Variants in NR5A2 observed in about 807,000 individuals in gnomAD.
The protein encoded by NR5A2 is nuclear receptor subfamily 5 group A member 2, also known as CYP7A promoter-binding factor.
NR5A2 carries 26 observed loss-of-function variants against 62.7 expected under a neutral mutation model. The observed-to-expected ratio is 0.41, with a 90% confidence interval of 0.30 to 0.58. NR5A2 has a LOEUF of 0.58. Ranked by LOEUF, NR5A2 falls within the 20% of genes least tolerant of loss-of-function variation. The pLI is 0.22. For missense variants in NR5A2, 541 were observed against 669.1 expected (o/e 0.81, Z 2.11); for synonymous variants, 246 against 241.7 (o/e 1.02, Z -0.16).
Position 200,039,531 on chromosome 1 carries a change from G to A in NR5A2, c.65-127G>A. ...GCTGCGAGACCGGACAGGGCTCAGAGGTCCTGCCCGGCAGCCCCGAGGAGG... is the reference window on the plus strand; with the variant it reads ...GCTGCGAGACCGGACAGGGCTCAGAAGTCCTGCCCGGCAGCCCCGAGGAGG... On this transcript the variant is annotated intron_variant, in intron 1 of 7. Transcript: ENST00000367362. This position sits in a 1 kb window ranked among gnomAD's most constrained non-coding sequence, Gnocchi z 5.1. 1 of 1,366,572 alleles carries A rather than the reference G, an allele frequency of 7.3e-7. No homozygotes were observed. Among genetic ancestry groups the A allele is most frequent in the Non-Finnish European group, 1.0e-6 (1 of 983,498 alleles). The allele number at this position is 1,366,572 out of a possible 1,614,324, so 84.7% of individuals were successfully genotyped here. A position where few individuals can be genotyped will look rare whatever the true frequency, so the allele number is the denominator to read the frequency against.
intron 7 of NR5A2, among the ~76,000 whole-genome samples, chr1:200,121,566 G>A (rs887164964): frequency 1.3e-4 from 20 of 152,124 alleles, no homozygotes; most frequent in African/African-American, 4.8e-4. Flanking sequence ...TTCTCAGTGA[G>A]TCAGTTGAGA....
At chr1:200,072,654 TTGGA>T (rs1663791409) in intron 5 of NR5A2, among the ~76,000 whole-genome samples, 1 of 152,134 alleles carries the variant, frequency 6.6e-6, no homozygotes, top group African/African-American at 2.4e-5. Context: ...AAATAAAATC[TTGGA>T]TGAACACTTT....
At position 200,046,033 on chromosome 1, in the gene NR5A2, C is replaced by G. The variant is rs551013016; in HGVS notation, c.463+449C>G. 2.6e-5 allele frequency among the ~76,000 whole-genome samples: 4 copies of G among 152,268 alleles called. No homozygotes were observed. The South Asian group carries it at 8.3e-4, about 32-fold the overall frequency. On this transcript the variant is annotated intron_variant, in intron 4 of 7. Transcript: ENST00000367362. ...GTGTGCTTGTCACAAGTGTTAACTA[C>G]TAATTTCATGATTCTTAAGAGTTAA... is the stretch of plus-strand genomic sequence containing the variant.
chr1:200,060,878 T>G (rs1481011046), intron 5 of NR5A2, among the ~76,000 whole-genome samples: 1 of 136,308 alleles, frequency 7.3e-6, no homozygotes, highest in Admixed American at 8.2e-5. Flanking sequence ...CCAAGGCAGG[T>G]GGATCACGAG....
At chr1:200,112,894 G>C (rs947408030) in intron 6 of NR5A2, among the ~76,000 whole-genome samples, 1 of 152,166 alleles carries the variant, frequency 6.6e-6, no homozygotes, top group African/African-American at 2.4e-5. Flanking sequence ...ATTTCCTTCT[G>C]AGTTTCAGAA....
intron 7 of NR5A2, among the ~76,000 whole-genome samples, chr1:200,132,461 C>T (rs1667008286): frequency 6.6e-6 from 1 of 152,194 alleles, no homozygotes; most frequent in African/African-American, 2.4e-5. Context: ...CTGCATGCAT[C>T]TCTTGTCTTT....
intron 5 of NR5A2, among the ~76,000 whole-genome samples, chr1:200,082,883 A>C (rs1664359125): frequency 6.6e-6 from 1 of 152,174 alleles, no homozygotes; most frequent in African/African-American, 2.4e-5. Flanking sequence ...CATGCAACCT[A>C]CCTGAAAAGC....
chr1:200,078,875 T>A (rs1440695603), intron 5 of NR5A2, among the ~76,000 whole-genome samples: 1 of 152,230 alleles, frequency 6.6e-6, no homozygotes, highest in East Asian at 1.9e-4. Flanking sequence ...ACTTTCCTTT[T>A]ACCTTTACAA....
rs1654434864 is a variant in NR5A2, at chr1:200,176,670, TTTTTA to T, written c.*2466_*2470del. 1 of 152,140 alleles carries T rather than the reference TTTTTA, an allele frequency of 6.6e-6. No homozygotes were observed. Among genetic ancestry groups the T allele is most frequent in the South Asian group, 2.1e-4 (1 of 4,828 alleles). 9.4% of individuals were successfully genotyped at this position (152,140 alleles called of 1,614,324 possible). ...TATGTTGATTTTTATTTTATTTTAT[TTTTTA>T]TTTTAAGAGGCGGGATCTTGATCTC... On this transcript the variant is annotated 3_prime_UTR_variant, in exon 8 of 8. Coordinates refer to ENST00000367362, the MANE Select transcript of NR5A2 (RefSeq NM_205860.3).
At chr1:200,077,204 T>C (rs989134791) in intron 5 of NR5A2, among the ~76,000 whole-genome samples, 10 of 152,362 alleles carry the variant, frequency 6.6e-5, no homozygotes, top group Admixed American at 3.9e-4. Flanking sequence ...GTATTTCTCA[T>C]AATTAGGTTT....
intron 7 of NR5A2, among the ~76,000 whole-genome samples, chr1:200,153,398 G>A (rs532568948): frequency 6.6e-6 from 1 of 152,354 alleles, no homozygotes; most frequent in Admixed American, 6.5e-5. Flanking sequence ...CCACATAGGA[G>A]AATGTTGGCT....
At chr1:200,151,204 C>T (rs1427093296) in intron 7 of NR5A2, among the ~76,000 whole-genome samples, 1 of 152,140 alleles carries the variant, frequency 6.6e-6, no homozygotes, top group Non-Finnish European at 1.5e-5. Context: ...TGTCTTGTGT[C>T]TTTTAGCATC....
chr1:200,034,753 A>C (rs1399472674), intron 1 of NR5A2, among the ~76,000 whole-genome samples: 1 of 140,914 alleles, frequency 7.1e-6, no homozygotes, highest in South Asian at 2.4e-4. Flanking sequence ...TTGATGTCTT[A>C]AGTAGTTATT....
chr1:200,113,141 A>G (rs1571499582), intron 6 of NR5A2, among the ~76,000 whole-genome samples: 1 of 152,336 alleles, frequency 6.6e-6, no homozygotes, highest in East Asian at 1.9e-4. Flanking sequence ...GTGTTTTGTC[A>G]TCAGAACTGA....
chr1:200,096,058 T>C (rs943350344), intron 5 of NR5A2, among the ~76,000 whole-genome samples: 74 of 151,622 alleles, frequency 4.9e-4, no homozygotes, highest in African/African-American at 1.5e-3. Flanking sequence ...TTATTCTAGT[T>C]ATCAATCTAC....
intron 5 of NR5A2, among the ~76,000 whole-genome samples, chr1:200,065,539 C>T (rs900960475): frequency 5.9e-5 from 9 of 152,208 alleles, no homozygotes; most frequent in Non-Finnish European, 1.0e-4. Context: ...ATGCACACAT[C>T]GAGGGGGCAG....
chr1:200,073,317 CCCCTTTATATATATATATAT>C, intron 5 of NR5A2, among the ~76,000 whole-genome samples: 1 of 88,836 alleles, frequency 1.1e-5, no homozygotes, highest in Non-Finnish European at 2.2e-5. Flanking sequence ...TATATATATT[CCCCTTTATATATATATATAT>C]ATTCCCCTTT....
intron 5 of NR5A2, among the ~76,000 whole-genome samples, chr1:200,053,144 C>T (rs766659383): frequency 6.6e-6 from 1 of 152,126 alleles, no homozygotes; most frequent in Non-Finnish European, 1.5e-5. Context: ...AGTTACAACT[C>T]CCCAACTCTC....
intron 5 of NR5A2, among the ~76,000 whole-genome samples, chr1:200,075,886 G>GTTTTCTTTTC (rs71132656): frequency 0.072 from 10,806 of 150,308 alleles, 417 homozygotes; most frequent in Middle Eastern, 0.11. Context: ...AAGCTCTTCT[G>GTTTTCTTTTC]TTTTCTTTTC....
Sources: gnomAD v4.1 joint callset for allele counts (sites outside exome capture counted in the v4.1 genomes callset) on GRCh38, gnomAD v4.1.1 for gene constraint, Gnocchi (gnomAD v3.1) non-coding constraint, MANE v1.5 for transcripts, NCBI Gene and HGNC (gene_info 2026-07-23, HGNC 2026-07-21) for gene names.